Variants in NRXN1 observed in about 807,000 individuals in gnomAD.
NRXN1 encodes neurexin-1.
In NRXN1, 39 loss-of-function variants were observed where a neutral mutation model predicts 150.9. That is an observed-to-expected ratio of 0.26 (90% confidence interval 0.20 to 0.34). The LOEUF (loss-of-function observed/expected upper bound fraction) is 0.34, where lower values mean the gene tolerates loss of function less well. NRXN1 is among the 10% of genes least tolerant of loss of function. The pLI, the probability that NRXN1 is intolerant of heterozygous loss-of-function variation, is 1.00. For missense variants in NRXN1, 1,815 were observed against 1,949.9 expected, an observed-to-expected ratio of 0.93 and a Z score of 1.30; for synonymous variants, 924 against 757.0, an observed-to-expected ratio of 1.22 and a Z score of -3.62.
Position 50,436,232 on chromosome 2 carries a change from T to C in NRXN1, c.3364+29210A>G, listed in dbSNP as rs547152566. On this transcript the variant is annotated intron_variant, in intron 17 of 22. Coordinates refer to ENST00000401669, the MANE Select transcript of NRXN1 (RefSeq NM_001330078.2). ...ACTTTGAGAGGCCGAGGCAGGCAGA[T>C]CACCAGAGGTCGGGAGTTCGACACC... is the stretch of plus-strand genomic sequence containing the variant. 1.1e-3 allele frequency among the ~76,000 whole-genome samples: 171 copies of C among 152,258 alleles called. 1 individual carries two copies. The highest frequency in any genetic ancestry group is 0.01 in the Admixed American group (158 of 15,298).
chr2:50,248,852 G>T (rs1377332078), intron 17 of NRXN1, among the ~76,000 whole-genome samples: 1 of 152,028 alleles, frequency 6.6e-6, no homozygotes, highest in Non-Finnish European at 1.5e-5. Flanking sequence ...TGTAGAAATT[G>T]GCATACGTTT....
chr2:50,324,939 C>T (rs2076287406), intron 17 of NRXN1, among the ~76,000 whole-genome samples: 1 of 152,212 alleles, frequency 6.6e-6, no homozygotes, highest in African/African-American at 2.4e-5. Flanking sequence ...GGAAGCTGTG[C>T]TCAGTTGTAT....
At chr2:50,031,193 A>G (rs1201130253) in intron 21 of NRXN1, among the ~76,000 whole-genome samples, 2 of 152,076 alleles carry the variant, frequency 1.3e-5, no homozygotes, top group African/African-American at 2.4e-5. Context: ...CTTTATGACT[A>G]AAGTATACAA....
intron 17 of NRXN1, among the ~76,000 whole-genome samples, chr2:50,369,993 T>C (rs1245661281): frequency 6.6e-6 from 1 of 152,034 alleles, no homozygotes; most frequent in Non-Finnish European, 1.5e-5. Context: ...GGTAAATGTA[T>C]CTCTTCATAA....
chr2:50,435,269 G>T (rs1194016002), intron 17 of NRXN1, among the ~76,000 whole-genome samples: 1 of 151,946 alleles, frequency 6.6e-6, no homozygotes, highest in Non-Finnish European at 1.5e-5. Flanking sequence ...TGCAAATCGG[G>T]GATAATTCCT....
intron 5 of NRXN1, among the ~76,000 whole-genome samples, chr2:50,854,862 A>G (rs11887494): frequency 0.28 from 42,972 of 151,982 alleles, 6,661 homozygotes; most frequent in Non-Finnish European, 0.36. Flanking sequence ...TATGTAGTGT[A>G]GGATGATGTA....
At chr2:50,697,568 G>C (rs944481949) in intron 5 of NRXN1, among the ~76,000 whole-genome samples, 1 of 152,056 alleles carries the variant, frequency 6.6e-6, no homozygotes, top group African/African-American at 2.4e-5. Context: ...GGTTTCATCC[G>C]AACCTAACGC....
chr2:50,025,011 A>C (rs921879757), intron 21 of NRXN1, among the ~76,000 whole-genome samples: 1 of 152,170 alleles, frequency 6.6e-6, no homozygotes, highest in Admixed American at 6.5e-5. Flanking sequence ...GTGTGATTTC[A>C]GTACTGTTCA....
chr2:50,566,141 G>C (rs776455791), intron 8 of NRXN1, among the ~76,000 whole-genome samples: 6 of 152,124 alleles, frequency 3.9e-5, no homozygotes, highest in Non-Finnish European at 7.4e-5. Context: ...CTTCTATTTC[G>C]GTTGTATGTT....
intron 5 of NRXN1, among the ~76,000 whole-genome samples, chr2:50,851,459 T>C (rs1674509395): frequency 6.6e-6 from 1 of 152,146 alleles, no homozygotes; most frequent in African/African-American, 2.4e-5. Flanking sequence ...GGGGGTGTTG[T>C]CTGTCTTGCT....
At chr2:50,443,334 G>C (rs756357069) in intron 17 of NRXN1, among the ~76,000 whole-genome samples, 24 of 152,162 alleles carry the variant, frequency 1.6e-4, no homozygotes, top group Admixed American at 1.4e-3. Context: ...GAATATAGGA[G>C]AATTTTCTTC....
At chr2:50,205,032 T>C (rs2062462722) in intron 18 of NRXN1, among the ~76,000 whole-genome samples, 1 of 152,002 alleles carries the variant, frequency 6.6e-6, no homozygotes, top group African/African-American at 2.4e-5. Flanking sequence ...ATCAGTACTA[T>C]AAATACATGG....
intron 18 of NRXN1, among the ~76,000 whole-genome samples, chr2:50,144,748 G>A (rs932113933): frequency 2.0e-5 from 3 of 151,706 alleles, no homozygotes; most frequent in African/African-American, 2.4e-5. Context: ...TGTGCCAGTC[G>A]ATAATTTCTG....
In NRXN1 at chr2:50,594,088, G is replaced by A. The variant is rs187659160; in HGVS notation, c.1320+25934C>T. Among the ~76,000 whole-genome samples the A allele has an allele frequency of 4.6e-5, 7 of 152,228 alleles. No individual in the cohort carries two copies. The South Asian group carries it at 1.5e-3, about 32-fold the overall frequency. On this transcript the variant is annotated intron_variant, in intron 8 of 22. Transcript: ENST00000401669. ...ATTTGCTTCGCCTTCCACCATGATTGTAAGTTTCCTGAAGTCTCTCCAGCC... is the reference window on the plus strand; with the variant it reads ...ATTTGCTTCGCCTTCCACCATGATTATAAGTTTCCTGAAGTCTCTCCAGCC...
At chr2:50,667,314 G>T (rs1054126233) in intron 5 of NRXN1, among the ~76,000 whole-genome samples, 9 of 151,826 alleles carry the variant, frequency 5.9e-5, no homozygotes, top group Non-Finnish European at 8.8e-5. Flanking sequence ...ATAATAGAGG[G>T]CTTCTTCTAT....
intron 9 of NRXN1, 133 bp from the exon 10 acceptor site, chr2:50,538,769 T>C: frequency 1.5e-6 from 1 of 681,748 alleles, no homozygotes; most frequent in East Asian, 3.2e-5. Flanking sequence ...CTGTCCTCAC[T>C]TTTTGGTATT....
At chr2:50,186,094 A>G (rs1223621350) in intron 18 of NRXN1, among the ~76,000 whole-genome samples, 1 of 152,102 alleles carries the variant, frequency 6.6e-6, no homozygotes, top group Non-Finnish European at 1.5e-5. Context: ...TATTGAAACT[A>G]TCTGCCAGAA....
intron 17 of NRXN1, among the ~76,000 whole-genome samples, chr2:50,416,601 A>C (rs1250719492): frequency 3.9e-5 from 6 of 152,178 alleles, no homozygotes; most frequent in African/African-American, 1.4e-4. Flanking sequence ...TTTATAAAGG[A>C]AGAGGTTTAA....
intron 17 of NRXN1, among the ~76,000 whole-genome samples, chr2:50,303,131 G>C (rs2074315272): frequency 6.6e-6 from 1 of 152,116 alleles, no homozygotes; most frequent in Non-Finnish European, 1.5e-5. Context: ...GATCTCATTG[G>C]AGTAACATAA....
Sources: allele counts gnomAD v4.1 joint callset (sites outside exome capture counted in the v4.1 genomes callset), GRCh38; gene constraint gnomAD v4.1.1; transcripts MANE v1.5; gene names NCBI Gene and HGNC (gene_info 2026-07-23, HGNC 2026-07-21).